The following RPAP2 variants were observed in gnomAD, a reference collection of about 807,000 sequenced individuals.
RPAP2 encodes the protein putative RNA polymerase II subunit B1 CTD phosphatase RPAP2.
Under a neutral mutation model 73.1 loss-of-function variants are expected in RPAP2, and 52 were observed. The observed-to-expected ratio is 0.71, with a 90% CI of 0.57 to 0.90. The LOEUF (loss-of-function observed/expected upper bound fraction) is 0.90, where lower values mean the gene tolerates loss of function less well. Among genes scored for constraint, RPAP2 ranks in the 40% least tolerant of loss-of-function variants. RPAP2 has a pLI of 0.00. For synonymous variants in RPAP2, 225 were observed against 242.1 expected, an observed-to-expected ratio of 0.93 and a Z score of 0.65; for missense variants, 598 against 701.8, an observed-to-expected ratio of 0.85 and a Z score of 1.67.
chr1:92,302,938 C>T (rs1010164521), intron 3 of RPAP2, among the ~76,000 whole-genome samples: 1 of 151,068 alleles, frequency 6.6e-6, no homozygotes, highest in Non-Finnish European at 1.5e-5. Context: ...ATGGCTCATA[C>T]CTGTAATCCC....
Position 92,299,120 on chromosome 1 carries a change from C to T in RPAP2, c.47C>T (p.Ala16Val), listed in dbSNP as rs1200343898. ...GPSSAGRKAGAPRCSRKAAGT... is the reference protein window; with the variant it reads ...GPSSAGRKAGVPRCSRKAAGT... ...TCTTCTGCCGGCCGCAAGGCCGGGGCTCCCCGCTGCTCTCGAAAAGCCGCA... is the reference window on the plus strand; with the variant it reads ...TCTTCTGCCGGCCGCAAGGCCGGGGTTCCCCGCTGCTCTCGAAAAGCCGCA... Residue 16 changes from alanine to valine, a missense_variant, in exon 1 of 13, where the codon GCT becomes GTT. Coordinates refer to ENST00000610020, the MANE Select transcript of RPAP2 (RefSeq NM_024813.3). 13 of 1,522,138 alleles carry T rather than the reference C, an allele frequency of 8.5e-6. No homozygotes were observed. The highest frequency in any genetic ancestry group is 8.8e-7 in the Non-Finnish European group (1 of 1,131,718). 94.3% of individuals were successfully genotyped at this position (1,522,138 alleles called of 1,614,324 possible).
intron 6 of RPAP2, among the ~76,000 whole-genome samples, chr1:92,315,252 C>CA (rs1295981401): frequency 1.3e-5 from 2 of 152,144 alleles, no homozygotes; most frequent in African/African-American, 4.8e-5. Flanking sequence ...GATGGGTGAA[C>CA]AGCTGGTTGG....
At position 92,323,732 on chromosome 1, in the gene RPAP2, C is replaced by G. The variant is rs781420265; in HGVS notation, c.812C>G (p.Thr271Ser). 2.5e-6 allele frequency: 4 copies of G among 1,614,110 alleles called. No individual in the cohort carries two copies. Among genetic ancestry groups the G allele is most frequent in the Non-Finnish European group, 3.4e-6 (4 of 1,179,990 alleles). Residue 271 changes from threonine (T) to serine (S), a missense_variant, in exon 8 of 13, where the codon ACT becomes AGT. Thr to Ser is a moderately conservative substitution (Grantham distance 58). Around this residue, in one of 3 missense-constraint regions of RPAP2, gnomAD observed 506 missense variants for 612.8 expected, o/e 0.83. Transcript: ENST00000610020. ...AAAGAACAGACAGTAGTAGATGTCA[C>G]TGAGCAGTTAGGCGATTGCAAATTA... ...KDKEQTVVDV[T>S]EQLGDCKLDS...
At chr1:92,301,120 T>C (rs1182254361) in intron 2 of RPAP2, among the ~76,000 whole-genome samples, 3 of 152,166 alleles carry the variant, frequency 2.0e-5, no homozygotes, top group Admixed American at 6.5e-5. Context: ...TAAAGACTTA[T>C]GTATGTGCAG....
At chr1:92,383,668 G>T (rs1381788982) in intron 12 of RPAP2, among the ~76,000 whole-genome samples, 1 of 152,084 alleles carries the variant, frequency 6.6e-6, no homozygotes, top group East Asian at 1.9e-4. Flanking sequence ...ATTTTGGGCT[G>T]AGACGATGGG....
chr1:92,336,265 G>A, intron 9 of RPAP2, 82 bp from the exon 10 acceptor site: 1 of 868,918 alleles, frequency 1.2e-6, no homozygotes. Flanking sequence ...TATTAGCTAT[G>A]GAAAATTCAG....
chr1:92,371,210 C>T (rs1655132939), intron 11 of RPAP2, among the ~76,000 whole-genome samples: 1 of 151,580 alleles, frequency 6.6e-6, no homozygotes, highest in South Asian at 2.1e-4. Context: ...GAGGCTGAGG[C>T]AGGAGAATCA....
intron 11 of RPAP2, among the ~76,000 whole-genome samples, chr1:92,369,416 C>T (rs944043163): frequency 5.3e-5 from 8 of 152,208 alleles, no homozygotes; most frequent in Non-Finnish European, 2.9e-5. Context: ...GGGAACCGAT[C>T]CTCCCACCTC....
chr1:92,344,677 C>T (rs1034464505), intron 10 of RPAP2, among the ~76,000 whole-genome samples: 1 of 151,996 alleles, frequency 6.6e-6, no homozygotes, highest in Admixed American at 6.6e-5. Context: ...TAGATATTGC[C>T]AAATTGTCAT....
chr1:92,314,150 C>T (rs183978134), intron 6 of RPAP2, among the ~76,000 whole-genome samples: 87 of 152,282 alleles, frequency 5.7e-4, no homozygotes, highest in African/African-American at 2.0e-3. Context: ...CTTTTGCATT[C>T]ACAACTTGCG....
chr1:92,379,964 A>C (rs1655552880), intron 11 of RPAP2, among the ~76,000 whole-genome samples: 1 of 150,928 alleles, frequency 6.6e-6, no homozygotes, highest in Non-Finnish European at 1.5e-5. Context: ...TAAATAAATA[A>C]ATATAAAAAT....
rs1032747653 is a variant in RPAP2 at position 92,387,080 on chromosome 1, T to C, written c.*69T>C. The C allele has an allele frequency of 2.1e-5, 31 of 1,483,006 alleles. No homozygotes were observed. The highest frequency in any genetic ancestry group is 2.7e-5 in the Non-Finnish European group (29 of 1,081,530). The allele number at this position is 1,483,006 out of a possible 1,614,324, so 91.9% of individuals were successfully genotyped here. The stretch of plus-strand genomic sequence containing the variant: ...GTTTCTGGAATTCTAGCCGCCATGA[T>C]GGTCTGGTGGTGACTGATAACTAGT... On this transcript the variant is annotated 3_prime_UTR_variant, in exon 13 of 13. Coordinates refer to ENST00000610020, the MANE Select transcript of RPAP2 (RefSeq NM_024813.3).
intron 12 of RPAP2, among the ~76,000 whole-genome samples, chr1:92,385,971 T>G (rs1006933387): frequency 1.3e-5 from 2 of 152,170 alleles, no homozygotes; most frequent in East Asian, 3.9e-4. Flanking sequence ...AGGATCGCAC[T>G]CCTCATAGAC....
intron 8 of RPAP2, among the ~76,000 whole-genome samples, chr1:92,327,715 C>CT (rs555719301): frequency 0.1 from 14,694 of 145,538 alleles, 2,062 homozygotes; most frequent in African/African-American, 0.32. Context: ...GCCTGAACAG[C>CT]TTTTTTTTTT....
At chr1:92,305,450 A>AAAAAAAAAAAAAAAAAAC (rs1202528088) in intron 5 of RPAP2, among the ~76,000 whole-genome samples, 5 of 141,850 alleles carry the variant, frequency 3.5e-5, no homozygotes, top group African/African-American at 1.5e-4. Flanking sequence ...AAAAAAAAAA[A>AAAAAAAAAAAAAAAAAAC]AGACAATATG....
intron 11 of RPAP2, among the ~76,000 whole-genome samples, chr1:92,370,442 C>G (rs994717476): frequency 2.0e-5 from 3 of 152,086 alleles, no homozygotes; most frequent in Admixed American, 6.5e-5. Flanking sequence ...GGAATAACTT[C>G]AAGAGCTTTC....
At chr1:92,306,470 A>G (rs185977173) in intron 5 of RPAP2, among the ~76,000 whole-genome samples, 130 of 152,340 alleles carry the variant, frequency 8.5e-4, no homozygotes, top group Non-Finnish European at 1.7e-3. Flanking sequence ...TCAATTGTCT[A>G]TAAATGGTAA....
intron 8 of RPAP2, among the ~76,000 whole-genome samples, chr1:92,326,162 C>T (rs1263309027): frequency 6.6e-6 from 1 of 151,700 alleles, no homozygotes; most frequent in Non-Finnish European, 1.5e-5. Flanking sequence ...ATGGGAGTTT[C>T]CTTGATTCCA....
At chr1:92,379,214 G>T (rs1286524171) in intron 11 of RPAP2, among the ~76,000 whole-genome samples, 1 of 152,138 alleles carries the variant, frequency 6.6e-6, no homozygotes, top group Non-Finnish European at 1.5e-5. Flanking sequence ...GAGCTTTATT[G>T]ATTTAAATTT....
Sources: allele counts gnomAD v4.1 joint callset (sites outside exome capture counted in the v4.1 genomes callset), GRCh38; gene constraint gnomAD v4.1.1; regional missense constraint gnomAD v4.1.1; transcripts MANE v1.5; gene names NCBI Gene and HGNC (gene_info 2026-07-23, HGNC 2026-07-21).